The following STON2 variants were observed in gnomAD, a reference collection of about 807,000 sequenced individuals.
The protein encoded by STON2 is stonin 2.
A neutral mutation model predicts 65.7 loss-of-function variants in STON2; 29 were observed. That is an observed-to-expected ratio of 0.44 (90% CI 0.33 to 0.60). The LOEUF (loss-of-function observed/expected upper bound fraction) is 0.60, where lower values mean the gene tolerates loss of function less well. STON2 is among the 20% of genes least tolerant of loss of function. STON2 has a pLI of 0.03. For synonymous variants in STON2, 404 were observed against 414.2 expected (o/e 0.98, Z 0.30); for missense variants, 1,054 against 1,118.1 (o/e 0.94, Z 0.82).
At chr14:81,376,384 A>C (rs765198537) in intron 3 of STON2, among the ~76,000 whole-genome samples, 8 of 152,038 alleles carry the variant, frequency 5.3e-5, no homozygotes, top group Non-Finnish European at 7.4e-5. Flanking sequence ...AAAACTATAG[A>C]AGTCCTAGCA....
chr14:81,426,964 T>C (rs1902007833), intron 2 of STON2: 1 of 152,226 alleles, frequency 6.6e-6, no homozygotes, highest in Admixed American at 6.5e-5. Flanking sequence ...ACGTAACACT[T>C]CTCATCTCTC....
chr14:81,306,229 T>A (rs1234212655), intron 5 of STON2, among the ~76,000 whole-genome samples: 1 of 106,736 alleles, frequency 9.4e-6, no homozygotes, highest in Non-Finnish European at 2.0e-5. Flanking sequence ...TCTTTTTTTT[T>A]TTTTTTTTTT....
intron 4 of STON2, among the ~76,000 whole-genome samples, chr14:81,350,014 G>C (rs1897964065): frequency 1.3e-5 from 2 of 152,134 alleles, no homozygotes; most frequent in South Asian, 4.1e-4. Context: ...TCATTTGTGG[G>C]AGCTGAAAAA....
At chr14:81,271,658 T>C (rs936180182) in intron 6 of STON2, among the ~76,000 whole-genome samples, 1 of 152,230 alleles carries the variant, frequency 6.6e-6, no homozygotes, top group Non-Finnish European at 1.5e-5. Context: ...GTAACTCCAC[T>C]ATACTCGTGA....
At chr14:81,415,908 C>T (rs1224556148) in intron 2 of STON2, among the ~76,000 whole-genome samples, 1 of 152,124 alleles carries the variant, frequency 6.6e-6, no homozygotes, top group Non-Finnish European at 1.5e-5. Context: ...GGTCTCTCTC[C>T]ACCACCTCTG....
At chr14:81,322,966 C>T (rs1365809313) in intron 5 of STON2, among the ~76,000 whole-genome samples, 1 of 152,218 alleles carries the variant, frequency 6.6e-6, no homozygotes, top group Non-Finnish European at 1.5e-5. Flanking sequence ...ATGGCAGTGC[C>T]TCAGTTTGGG....
intron 4 of STON2, among the ~76,000 whole-genome samples, chr14:81,330,299 G>A (rs1300855501): frequency 1.3e-5 from 2 of 152,172 alleles, no homozygotes; most frequent in Non-Finnish European, 2.9e-5. Context: ...CTGGATACTT[G>A]TGATGGTAAA....
intron 4 of STON2, among the ~76,000 whole-genome samples, chr14:81,335,801 CA>C (rs535227928): frequency 0.013 from 1,899 of 150,808 alleles, 37 homozygotes; most frequent in African/African-American, 0.043. Flanking sequence ...AGTACGACCA[CA>C]AAAAAAAATT....
intron 5 of STON2, among the ~76,000 whole-genome samples, chr14:81,290,047 C>T (rs1895493813): frequency 6.6e-6 from 1 of 152,210 alleles, no homozygotes; most frequent in Non-Finnish European, 1.5e-5. Flanking sequence ...CTACTTTTCA[C>T]CAGCACTAAA....
In STON2 at chr14:81,266,131, A is replaced by T; in HGVS notation, c.*2283T>A. ...GAGAGTCTTATTACTATTGAGACTA[A>T]ACCTATATTTAGAAGGAATCTTGGT... On this transcript the variant is annotated 3_prime_UTR_variant, in exon 8 of 8. Coordinates refer to ENST00000614646, the MANE Select transcript of STON2 (RefSeq NM_001394390.1). The T allele has an allele frequency of 1.0e-6, 1 of 978,980 alleles. No homozygotes were observed. The highest frequency in any genetic ancestry group is 4.7e-5 in the South Asian group (1 of 21,148). The allele number at this position is 978,980 out of a possible 1,614,324, so 60.6% of individuals were successfully genotyped here. A position where few individuals can be genotyped will look rare whatever the true frequency, so the allele number is the denominator to read the frequency against.
At chr14:81,342,492 G>A (rs1261245888) in intron 4 of STON2, among the ~76,000 whole-genome samples, 2 of 152,262 alleles carry the variant, frequency 1.3e-5, no homozygotes, top group East Asian at 3.9e-4. Flanking sequence ...ATGTCACAGT[G>A]CAGGGCAAGG....
At chr14:81,385,648 T>G (rs1595427566) in intron 3 of STON2, among the ~76,000 whole-genome samples, 1 of 152,204 alleles carries the variant, frequency 6.6e-6, no homozygotes, top group East Asian at 1.9e-4. Flanking sequence ...AACAGCTCAT[T>G]AGCCCCACAA....
chr14:81,333,418 T>C (rs187915697), intron 4 of STON2: 17 of 329,746 alleles, frequency 5.2e-5, no homozygotes, highest in African/African-American at 1.5e-4. Context: ...TTAAATACGT[T>C]TTTTTCATTC....
chr14:81,293,238 A>T (rs1221682521), intron 5 of STON2, among the ~76,000 whole-genome samples: 2 of 146,410 alleles, frequency 1.4e-5, no homozygotes, highest in African/African-American at 5.1e-5. Context: ...CAGTGGTGCG[A>T]TCTTGGCTCA....
rs570109795 is a variant in STON2 at position 81,363,240 on chromosome 14, G to T, written c.571+7748C>A. The stretch of plus-strand genomic sequence containing the variant: ...CTTTTAAATTGTGAAGATTAAATGA[G>T]ATAATATATGTATAAAGTATATAGG... On this transcript the variant is annotated intron_variant, in intron 4 of 7. Coordinates refer to ENST00000614646, the MANE Select transcript of STON2 (RefSeq NM_001394390.1). Among the ~76,000 whole-genome samples, 3 of 152,252 alleles carry T rather than the reference G, an allele frequency of 2.0e-5. No individual in the cohort carries two copies. In the South Asian group the frequency reaches 6.2e-4, roughly 32 times the overall value.
At chr14:81,341,332 G>A (rs1426117663) in intron 4 of STON2, among the ~76,000 whole-genome samples, 1 of 152,110 alleles carries the variant, frequency 6.6e-6, no homozygotes, top group Non-Finnish European at 1.5e-5. Flanking sequence ...ATACAAGAAG[G>A]GAGAGGGTTG....
Position 81,334,823 on chromosome 14 carries a change from G to A in STON2, c.572-10636C>T, listed in dbSNP as rs117555710. On this transcript the variant is annotated intron_variant, in intron 4 of 7. Transcript: ENST00000614646. ...GGAGCTGGCTGCTCTTTGGACCAATGATTTTTACCAATTTTATTTATTTAT... is the reference window on the plus strand; with the variant it reads ...GGAGCTGGCTGCTCTTTGGACCAATAATTTTTACCAATTTTATTTATTTAT... Among the ~76,000 whole-genome samples, 10 of 152,126 alleles carry A rather than the reference G, an allele frequency of 6.6e-5. No individual in the cohort carries two copies. In the East Asian group the frequency reaches 1.9e-3, roughly 30 times the overall value.
chr14:81,318,590 T>C (rs1896710069), intron 5 of STON2, among the ~76,000 whole-genome samples: 2 of 152,160 alleles, frequency 1.3e-5, no homozygotes, highest in South Asian at 4.1e-4. Flanking sequence ...GTAGCTCACG[T>C]TTGTAATTCC....
chr14:81,331,701 C>A (rs574784734), intron 4 of STON2, among the ~76,000 whole-genome samples: 67 of 152,318 alleles, frequency 4.4e-4, no homozygotes, highest in African/African-American at 1.6e-3. Flanking sequence ...TATGTTGAAG[C>A]CGTTGGACTT....
Sources: allele counts gnomAD v4.1 joint callset (sites outside exome capture counted in the v4.1 genomes callset), GRCh38; gene constraint gnomAD v4.1.1; transcripts MANE v1.5; gene names NCBI Gene and HGNC (gene_info 2026-07-23, HGNC 2026-07-21).